The following PAPPA2 variants were observed in gnomAD, a reference collection of about 807,000 sequenced individuals.
PAPPA2 encodes the protein pappalysin 2, also known as pappalysin-2.
In PAPPA2, 86 loss-of-function variants were observed where a neutral mutation model predicts 176.4. The ratio of observed to expected loss-of-function variants is 0.49; its 90% CI spans 0.41 to 0.58. The LOEUF is 0.58. PAPPA2 is among the 20% of genes least tolerant of loss of function. The pLI, the probability that PAPPA2 is intolerant of heterozygous loss-of-function variation, is 0.00. For missense variants in PAPPA2, 2,073 were observed against 2,256.9 expected (o/e 0.92, Z 1.65); for synonymous variants, 809 against 852.2 (o/e 0.95, Z 0.88).
intron 1 of PAPPA2, among the ~76,000 whole-genome samples, chr1:176,543,470 T>A (rs913628429): frequency 1.3e-5 from 2 of 152,026 alleles, no homozygotes; most frequent in Admixed American, 1.3e-4. Flanking sequence ...CCTGGCCTCT[T>A]CTGTTTGGTC....
At chr1:176,827,651 T>C (rs764147333) in intron 21 of PAPPA2, among the ~76,000 whole-genome samples, 9 of 152,150 alleles carry the variant, frequency 5.9e-5, no homozygotes, top group African/African-American at 9.7e-5. Flanking sequence ...TGGTCTTAGG[T>C]GCAGTTCAGA....
intron 1 of PAPPA2, among the ~76,000 whole-genome samples, chr1:176,491,165 G>T: frequency 6.6e-6 from 1 of 152,230 alleles, no homozygotes; most frequent in East Asian, 1.9e-4. Context: ...CTGGCTAAGT[G>T]CCAGGCACTA....
intron 1 of PAPPA2, among the ~76,000 whole-genome samples, chr1:176,530,154 C>T (rs1649731817): frequency 6.6e-6 from 1 of 152,244 alleles, no homozygotes; most frequent in South Asian, 2.1e-4. Context: ...GCCCAGGGTC[C>T]TGGCTGCTGC....
intron 21 of PAPPA2, among the ~76,000 whole-genome samples, chr1:176,821,925 C>T (rs1425679389): frequency 1.3e-5 from 2 of 152,202 alleles, no homozygotes; most frequent in African/African-American, 4.8e-5. Flanking sequence ...TGCCAAGACA[C>T]TCCAACAGTC....
chr1:176,665,875 T>C (rs970675009), intron 3 of PAPPA2, among the ~76,000 whole-genome samples: 6 of 152,184 alleles, frequency 3.9e-5, no homozygotes, highest in African/African-American at 1.2e-4. Context: ...ACCAATTACA[T>C]TGACATGCTG....
chr1:176,663,040 G>A (rs1658440595), intron 3 of PAPPA2, among the ~76,000 whole-genome samples: 2 of 152,084 alleles, frequency 1.3e-5, no homozygotes, highest in South Asian at 4.1e-4. Context: ...GTTGCTATTA[G>A]CAGAAGCAGC....
chr1:176,803,991 G>T (rs1665791664), intron 21 of PAPPA2, among the ~76,000 whole-genome samples: 1 of 152,184 alleles, frequency 6.6e-6, no homozygotes, highest in Non-Finnish European at 1.5e-5. Flanking sequence ...CACTGGGCAA[G>T]TTGTATTAGA....
intron 17 of PAPPA2, among the ~76,000 whole-genome samples, chr1:176,784,923 G>A (rs1320176635): frequency 1.3e-5 from 2 of 152,138 alleles, no homozygotes; most frequent in African/African-American, 2.4e-5. Flanking sequence ...ACATGGCAGA[G>A]CACAGAGAGG....
intron 1 of PAPPA2, among the ~76,000 whole-genome samples, chr1:176,534,852 G>T (rs1649987341): frequency 6.6e-6 from 1 of 152,106 alleles, no homozygotes; most frequent in South Asian, 2.1e-4. Context: ...TGAAGGAGAA[G>T]AAGGAAGGTT....
At chr1:176,665,585 CA>C in intron 3 of PAPPA2, among the ~76,000 whole-genome samples, 1 of 152,116 alleles carries the variant, frequency 6.6e-6, no homozygotes, top group Non-Finnish European at 1.5e-5. Flanking sequence ...CCTGGATTTA[CA>C]AATTTTTTTT....
intron 1 of PAPPA2, among the ~76,000 whole-genome samples, chr1:176,505,978 A>T (rs1473393380): frequency 1.3e-5 from 2 of 152,094 alleles, no homozygotes; most frequent in African/African-American, 4.8e-5. Context: ...GTTAGACTGG[A>T]GAATTCTTGT....
At chr1:176,789,124 T>C (rs184402783) in intron 17 of PAPPA2, among the ~76,000 whole-genome samples, 114 of 152,324 alleles carry the variant, frequency 7.5e-4, no homozygotes, top group Middle Eastern at 3.4e-3. Context: ...TGCTGTACTA[T>C]TTATCAAACC....
intron 1 of PAPPA2, among the ~76,000 whole-genome samples, chr1:176,491,433 T>C (rs1489105305): frequency 6.6e-6 from 1 of 152,124 alleles, no homozygotes; most frequent in Non-Finnish European, 1.5e-5. Flanking sequence ...GGGAGGAAGA[T>C]ATTTGCATGA....
chr1:176,558,849 A>AC (rs1189307190), intron 2 of PAPPA2, among the ~76,000 whole-genome samples: 1 of 152,028 alleles, frequency 6.6e-6, no homozygotes, highest in Non-Finnish European at 1.5e-5. Flanking sequence ...CAACATAAAG[A>AC]CCGGGGATCA....
chr1:176,818,425 T>TGTGG (rs1666497704), intron 21 of PAPPA2, among the ~76,000 whole-genome samples: 1 of 152,212 alleles, frequency 6.6e-6, no homozygotes, highest in South Asian at 2.1e-4. Context: ...TGTTTCTCTG[T>TGTGG]GTGGACTTTC....
intron 12 of PAPPA2, among the ~76,000 whole-genome samples, chr1:176,715,214 T>C (rs1355641745): frequency 6.6e-6 from 1 of 152,132 alleles, no homozygotes; most frequent in Non-Finnish European, 1.5e-5. Context: ...AAAACAAAAG[T>C]TTCCCTTCAA....
At chr1:176,731,684 T>TATATGTGTACATATATGTGTATATACAC in intron 12 of PAPPA2, among the ~76,000 whole-genome samples, 1 of 151,162 alleles carries the variant, frequency 6.6e-6, no homozygotes, top group African/African-American at 2.4e-5. Context: ...TGTGTATATA[T>TATATGTGTACATATATGTGTATATACAC]ACATATATGT....
chr1:176,502,921 C>T (rs1217007548), intron 1 of PAPPA2, among the ~76,000 whole-genome samples: 1 of 152,052 alleles, frequency 6.6e-6, no homozygotes, highest in African/African-American at 2.4e-5. Flanking sequence ...TATGATGCAC[C>T]CAGTAATCTG....
chr1:176,649,987 G>A (rs1004036625), intron 3 of PAPPA2, among the ~76,000 whole-genome samples: 7 of 151,498 alleles, frequency 4.6e-5, no homozygotes, highest in Non-Finnish European at 8.9e-5. Context: ...CCATTACTCA[G>A]AATGGGCTGT....
Sources: allele counts gnomAD v4.1 joint callset (sites outside exome capture counted in the v4.1 genomes callset), GRCh38; gene constraint gnomAD v4.1.1; transcripts MANE v1.5; gene names NCBI Gene and HGNC (gene_info 2026-07-23, HGNC 2026-07-21).